RPH3A: variants seen among roughly 807,000 people sequenced by gnomAD.
RPH3A encodes rabphilin-3A.
Under a neutral mutation model 102.2 loss-of-function variants are expected in RPH3A, and 48 were observed. The observed-to-expected ratio is 0.47, with a 90% CI of 0.37 to 0.60. The LOEUF (loss-of-function observed/expected upper bound fraction) is 0.60. RPH3A is among the 20% of genes least tolerant of loss of function. The pLI is 0.00. For missense variants in RPH3A, 781 were observed against 910.1 expected (o/e 0.86, Z 1.83); for synonymous variants, 310 against 324.3 (o/e 0.96, Z 0.47).
intron 1 of RPH3A, among the ~76,000 whole-genome samples, chr12:112,783,384 G>A (rs1439612204): frequency 6.6e-6 from 1 of 151,964 alleles, no homozygotes; most frequent in Admixed American, 6.5e-5. Context: ...CACCTCACAT[G>A]CATAATAGAA....
chr12:112,722,538 AG>A (rs1282970772), intron 1 of RPH3A, among the ~76,000 whole-genome samples: 2 of 152,232 alleles, frequency 1.3e-5, no homozygotes, highest in Admixed American at 1.3e-4. Flanking sequence ...CAATATACTC[AG>A]CTGAAAATTG....
chr12:112,645,471 C>A (rs1054198680), intron 1 of RPH3A, among the ~76,000 whole-genome samples: 3 of 152,166 alleles, frequency 2.0e-5, no homozygotes, highest in South Asian at 2.1e-4. Context: ...GAAATGTGTG[C>A]TTGAACCACT....
intron 1 of RPH3A, among the ~76,000 whole-genome samples, chr12:112,727,136 T>C (rs1383719683): frequency 6.6e-6 from 1 of 152,078 alleles, no homozygotes; most frequent in African/African-American, 2.4e-5. Context: ...CCTATTATCT[T>C]CACTCTTGGC....
At chr12:112,711,209 T>C (rs1239893116) in intron 1 of RPH3A, among the ~76,000 whole-genome samples, 1 of 152,182 alleles carries the variant, frequency 6.6e-6, no homozygotes, top group African/African-American at 2.4e-5. Flanking sequence ...CCTGGACCTA[T>C]TGAGTCAGAA....
At chr12:112,697,797 G>A (rs1035384472) in intron 1 of RPH3A, among the ~76,000 whole-genome samples, 1 of 152,092 alleles carries the variant, frequency 6.6e-6, no homozygotes, top group East Asian at 1.9e-4. Flanking sequence ...TCCAGGAGGC[G>A]GAGGTTGCAG....
rs2041999545 is a variant in RPH3A, at chr12:112,833,379, C to T, written c.72-3112C>T. ...TTTACCAGCACAGCACTGCCTGAAGCCTCTGACCATGTAGGTCTTTTATTT... is the reference window on the plus strand; with the variant it reads ...TTTACCAGCACAGCACTGCCTGAAGTCTCTGACCATGTAGGTCTTTTATTT... On this transcript the variant is annotated intron_variant, in intron 3 of 21. Transcript: ENST00000389385. Among the ~76,000 whole-genome samples the T allele has an allele frequency of 2.0e-5, 3 of 152,196 alleles. 1 individual carries two copies. Among genetic ancestry groups the T allele is most frequent in the Admixed American group, 6.5e-5 (1 of 15,284 alleles).
At chr12:112,836,958 A>C (rs553309963) in intron 4 of RPH3A, among the ~76,000 whole-genome samples, 3 of 152,376 alleles carry the variant, frequency 2.0e-5, no homozygotes, top group Admixed American at 6.5e-5. Context: ...ATCAGAGGTC[A>C]TCCTGATTTC....
intron 1 of RPH3A, among the ~76,000 whole-genome samples, chr12:112,774,062 G>GAAAAAAAAAAAAAAAAAA (rs2040946570): frequency 2.8e-5 from 1 of 35,298 alleles, no homozygotes. Flanking sequence ...TCCAGCCTGG[G>GAAAAAAAAAAAAAAAAAA]CAAAAAAAAA....
At position 112,730,234 on chromosome 12, in the gene RPH3A, C is replaced by G. The variant is rs1386202369; in HGVS notation, c.-139-61909C>G. Among the ~76,000 whole-genome samples, 5 of 152,238 alleles carry G rather than the reference C, an allele frequency of 3.3e-5. No individual in the cohort carries two copies. In the East Asian group the frequency reaches 9.6e-4, roughly 29 times the overall value. On this transcript the variant is annotated intron_variant, in intron 1 of 21. Coordinates refer to the RPH3A transcript ENST00000543106. The stretch of plus-strand genomic sequence containing the variant: ...ATTTCTGTTGCGTAAGCCACCCAGT[C>G]TGTGGTAGGGTGATCCTGCAGCCTG...
chr12:112,837,809 G>A lies in RPH3A; in HGVS notation c.83+1307G>A, dbSNP rs1447601516. 1.5e-5 allele frequency: 7 copies of A among 455,888 alleles called. No homozygotes were observed. The Admixed American group carries it at 1.6e-4, about 11-fold the overall frequency. The allele number at this position is 455,888 out of a possible 1,614,324, so 28.2% of individuals were successfully genotyped here. On this transcript the variant is annotated intron_variant, in intron 4 of 21. Coordinates refer to ENST00000389385, the MANE Select transcript of RPH3A (RefSeq NM_001143854.2). Reference sequence around the variant, plus strand: ...GCTTCATGAATGCTGCAGGTTGAAAGGTAGCATGTTCATCCTCTTCCCCTC... The same window carrying A: ...GCTTCATGAATGCTGCAGGTTGAAAAGTAGCATGTTCATCCTCTTCCCCTC...
At chr12:112,682,311 G>A (rs570868141) in intron 1 of RPH3A, among the ~76,000 whole-genome samples, 2 of 151,196 alleles carry the variant, frequency 1.3e-5, no homozygotes, top group East Asian at 1.9e-4. Flanking sequence ...GAAGATAAAT[G>A]TCCCAGCTCC....
At chr12:112,781,192 A>AAACAAC (rs34648570) in intron 1 of RPH3A, among the ~76,000 whole-genome samples, 3 of 150,904 alleles carry the variant, frequency 2.0e-5, no homozygotes, top group African/African-American at 7.3e-5. Context: ...AAAAAAACCA[A>AAACAAC]AACAACAACA....
intron 1 of RPH3A, among the ~76,000 whole-genome samples, chr12:112,627,009 T>C (rs1021913459): frequency 1.8e-5 from 2 of 108,268 alleles, no homozygotes; most frequent in African/African-American, 7.1e-5. Flanking sequence ...AATTGAACAA[T>C]GAGATCACAT....
intron 1 of RPH3A, among the ~76,000 whole-genome samples, chr12:112,697,800 G>T (rs577456042): frequency 6.6e-6 from 1 of 152,128 alleles, no homozygotes; most frequent in African/African-American, 2.4e-5. Context: ...AGGAGGCGGA[G>T]GTTGCAGTGA....
At chr12:112,872,802 G>A (rs1041713793) in intron 10 of RPH3A, among the ~76,000 whole-genome samples, 4 of 152,274 alleles carry the variant, frequency 2.6e-5, no homozygotes, top group African/African-American at 9.6e-5. Flanking sequence ...TTCTGAACTG[G>A]ATTTGAATCC....
In RPH3A at chr12:112,866,805, G is replaced by A. The variant is rs764689913; in HGVS notation, c.409G>A (p.Val137Met). 4.3e-6 allele frequency: 7 copies of A among 1,611,468 alleles called. No homozygotes were observed. The East Asian group carries it at 1.6e-4, about 36-fold the overall frequency. The change falls in exon 7 of 22, where the codon GTG (valine) becomes ATG (methionine). Residue 137 changes from valine to methionine, a missense_variant. Val to Met is a conservative substitution (Grantham distance 21). Transcript: ENST00000389385. Reference protein sequence around the residue: ...GVETNNRLHSVWLCKICIEQR... With the variant: ...GVETNNRLHSMWLCKICIEQR... ...GGAGACCAACAACCGCCTGCATTCT[G>A]TGTGGCTCTGCAAAATCTGCATTGA...
intron 1 of RPH3A, among the ~76,000 whole-genome samples, chr12:112,778,666 G>GCT (rs759829812): frequency 4.6e-5 from 7 of 152,238 alleles, no homozygotes; most frequent in Non-Finnish European, 7.4e-5. Context: ...TTCTTACATT[G>GCT]CTCTCTCTCT....
chr12:112,881,347 C>T (rs755181296), intron 14 of RPH3A, among the ~76,000 whole-genome samples: 4 of 152,178 alleles, frequency 2.6e-5, no homozygotes, highest in Non-Finnish European at 4.4e-5. Context: ...CATCCTCCTT[C>T]CCCCGACCTT....
At chr12:112,644,827 T>C (rs545332719) in intron 1 of RPH3A, among the ~76,000 whole-genome samples, 34 of 152,286 alleles carry the variant, frequency 2.2e-4, no homozygotes, top group South Asian at 1.7e-3. Context: ...AATAGATAGC[T>C]ATATAATAAA....
Sources: allele counts gnomAD v4.1 joint callset (sites outside exome capture counted in the v4.1 genomes callset), GRCh38; gene constraint gnomAD v4.1.1; transcripts MANE v1.5; gene names NCBI Gene and HGNC (gene_info 2026-07-23, HGNC 2026-07-21).